BICRAL: variants seen among roughly 807,000 people sequenced by gnomAD.
The protein encoded by BICRAL is BRD4-interacting chromatin-remodeling complex-associated protein-like.
BICRAL carries 8 observed loss-of-function variants against 91.8 expected under a neutral mutation model. The ratio of observed to expected loss-of-function variants is 0.09; its 90% CI spans 0.05 to 0.16. BICRAL has a LOEUF of 0.16. Ranked by LOEUF, BICRAL falls within the 10% of genes least tolerant of loss-of-function variation. The pLI is 1.00. For synonymous variants in BICRAL, 445 were observed against 491.1 expected, an observed-to-expected ratio of 0.91 and a Z score of 1.24; for missense variants, 1,038 against 1,310.9, an observed-to-expected ratio of 0.79 and a Z score of 3.21.
chr6:42,827,941 C>T (rs1278300762), intron 5 of BICRAL, among the ~76,000 whole-genome samples: 1 of 152,050 alleles, frequency 6.6e-6, no homozygotes, highest in East Asian at 1.9e-4. Context: ...TGAAGCTAAG[C>T]TCCAAGTAGT....
intron 1 of BICRAL, among the ~76,000 whole-genome samples, chr6:42,791,296 A>G (rs1415118377): frequency 2.0e-5 from 3 of 152,092 alleles, no homozygotes; most frequent in Non-Finnish European, 2.9e-5. Context: ...TTATAAATTT[A>G]TTTTTAATAA....
At chr6:42,784,438 C>T (rs566773247) in intron 1 of BICRAL, among the ~76,000 whole-genome samples, 1 of 152,194 alleles carries the variant, frequency 6.6e-6, no homozygotes, top group East Asian at 1.9e-4. Context: ...CACCGTGGTG[C>T]CAGTAGGTGT....
In BICRAL at chr6:42,807,051, G is replaced by C. The variant is rs533546706; in HGVS notation, c.-101-3255G>C. Reference sequence around the variant, plus strand: ...TTGCCATGTTGGCCAGGCTGGTCTTGAACTCCTGACCTCAAGTGATCCACC... The same window carrying C: ...TTGCCATGTTGGCCAGGCTGGTCTTCAACTCCTGACCTCAAGTGATCCACC... On this transcript the variant is annotated intron_variant, in intron 1 of 12. Transcript: ENST00000314073. Among the ~76,000 whole-genome samples the C allele has an allele frequency of 1.1e-4, 16 of 151,548 alleles. No individual in the cohort carries two copies. The South Asian group carries it at 3.3e-3, about 32-fold the overall frequency.
At position 42,767,568 on chromosome 6, in the gene BICRAL, A is replaced by G. The variant is rs79778738; in HGVS notation, c.-260-14271A>G. On this transcript the variant is annotated intron_variant, in intron 1 of 14. Transcript: ENST00000614467. ...GTGTCTGCTACCTGCAACACCAGCC[A>G]GGTGGCTTGATATGGTAAAGACGCA... Among the ~76,000 whole-genome samples, 683 of 152,362 alleles carry G rather than the reference A, an allele frequency of 4.5e-3. 8 individuals are homozygous for G. Among genetic ancestry groups the G allele is most frequent in the African/African-American group, 0.015 (637 of 41,596 alleles).
At chr6:42,834,012 G>A (rs1337175299) in intron 6 of BICRAL, among the ~76,000 whole-genome samples, 5 of 151,482 alleles carry the variant, frequency 3.3e-5, no homozygotes, top group Middle Eastern at 3.4e-3. Context: ...GTACCACCAC[G>A]CCCAGCTAAT....
chr6:42,792,630 G>A (rs1763304960), intron 1 of BICRAL, among the ~76,000 whole-genome samples: 1 of 133,696 alleles, frequency 7.5e-6, no homozygotes, highest in African/African-American at 2.9e-5. Flanking sequence ...TTTAGAAATT[G>A]ATGCTGAGTG....
rs1763234328 is a variant in BICRAL at position 42,790,350 on chromosome 6, T to C, written c.-102+8249T>C. On this transcript the variant is annotated intron_variant, in intron 1 of 12. Transcript: ENST00000314073. ...ATTTAATTTTTTTTTTTTTTTTTTTTTTTTTGTAGAGACAGGGGTTTCTCT... is the reference window on the plus strand; with the variant it reads ...ATTTAATTTTTTTTTTTTTTTTTTTCTTTTTGTAGAGACAGGGGTTTCTCT... Among the ~76,000 whole-genome samples the C allele has an allele frequency of 2.1e-5, 3 of 144,602 alleles. No individual in the cohort carries two copies. In the South Asian group the frequency reaches 6.6e-4, roughly 32 times the overall value. The allele number at this position is 144,602 out of a possible 152,430, so 94.9% of individuals were successfully genotyped here.
chr6:42,758,180 AT>A (rs1200670854), intron 1 of BICRAL, among the ~76,000 whole-genome samples: 1 of 151,980 alleles, frequency 6.6e-6, no homozygotes, highest in African/African-American at 2.4e-5. Flanking sequence ...TCCCTGGGCT[AT>A]TGTTACAGTT....
Position 42,816,742 on chromosome 6 carries a change from T to C in BICRAL, c.-5-5276T>C, listed in dbSNP as rs376531817. Among the ~76,000 whole-genome samples, 602 of 152,174 alleles carry C rather than the reference T, an allele frequency of 4.0e-3. 4 individuals are homozygous for C. The highest frequency in any genetic ancestry group is 0.014 in the African/African-American group (570 of 41,528). On this transcript the variant is annotated intron_variant, in intron 2 of 12. Transcript: ENST00000314073. The stretch of plus-strand genomic sequence containing the variant: ...ATAAATAAAGAGTATCAGCCGGGCG[T>C]GGTGGCTCACGCCTGTAATCCCAGC...
Position 42,857,198 on chromosome 6 carries a change from G to T in BICRAL, c.2216G>T (p.Cys739Phe). The change falls in exon 10 of 13, where the codon TGC becomes TTC. Residue 739 changes from cysteine (C) to phenylalanine (F), a missense_variant. Physicochemically the swap from Cys to Phe is radical, Grantham distance 205. Coordinates refer to ENST00000314073, the MANE Select transcript of BICRAL (RefSeq NM_001393499.1). The stretch of plus-strand genomic sequence containing the variant: ...CAGAGACTGCTCTCCTACCACGTGT[G>T]CCAGGGCTCCATGCCCACTGAAGAA... ...AVQRLLSYHV[C>F]QGSMPTEEDL... The T allele has an allele frequency of 6.2e-7, 1 of 1,613,842 alleles. No individual in the cohort carries two copies. The highest frequency in any genetic ancestry group is 1.3e-5 in the African/African-American group (1 of 74,984).
chr6:42,770,596 A>C (rs972901502), intron 1 of BICRAL, among the ~76,000 whole-genome samples: 2 of 151,722 alleles, frequency 1.3e-5, no homozygotes, highest in Non-Finnish European at 2.9e-5. Flanking sequence ...TTGTATTTTT[A>C]GTACAGACGG....
intron 2 of BICRAL, among the ~76,000 whole-genome samples, chr6:42,817,354 A>C (rs994466308): frequency 1.3e-5 from 2 of 152,110 alleles, no homozygotes; most frequent in Non-Finnish European, 2.9e-5. Context: ...AATTGATTTA[A>C]CCAGGACATT....
intron 1 of BICRAL, among the ~76,000 whole-genome samples, chr6:42,773,210 C>T (rs1332890998): frequency 6.6e-6 from 1 of 151,428 alleles, no homozygotes. Context: ...TCCTGAGTAG[C>T]TGGGATTACA....
chr6:42,808,451 G>A (rs2113912260), intron 1 of BICRAL, among the ~76,000 whole-genome samples: 1 of 152,222 alleles, frequency 6.6e-6, no homozygotes, highest in African/African-American at 2.4e-5. Context: ...TGAAATGTGG[G>A]CCCTATATGT....
At chr6:42,811,027 GA>G (rs1196954539) in intron 2 of BICRAL, among the ~76,000 whole-genome samples, 2 of 152,168 alleles carry the variant, frequency 1.3e-5, no homozygotes, top group Non-Finnish European at 2.9e-5. Context: ...CCCTTCAAGA[GA>G]TTTGGTTCAA....
intron 6 of BICRAL, among the ~76,000 whole-genome samples, chr6:42,847,527 C>T (rs1215847364): frequency 6.6e-6 from 1 of 152,134 alleles, no homozygotes; most frequent in Non-Finnish European, 1.5e-5. Context: ...CCTATAATCC[C>T]AGCACTTTGG....
At chr6:42,803,143 T>C (rs192637310) in intron 1 of BICRAL, among the ~76,000 whole-genome samples, 133 of 152,338 alleles carry the variant, frequency 8.7e-4, no homozygotes, top group Admixed American at 8.4e-3. Context: ...ATTATTAATA[T>C]AATAAATTAC....
intron 1 of BICRAL, among the ~76,000 whole-genome samples, chr6:42,763,814 C>G (rs1221526504): frequency 6.7e-6 from 1 of 149,806 alleles, no homozygotes; most frequent in Non-Finnish European, 1.5e-5. Context: ...GAGTGAGACT[C>G]TGTCTCAGAA....
chr6:42,830,335 G>T, intron 6 of BICRAL, 163 bp downstream of exon 6: 3 of 701,604 alleles, frequency 4.3e-6, no homozygotes, highest in Non-Finnish European at 7.0e-6. Context: ...GGAGGCCAAG[G>T]CTGGAGGATC....
Sources: gnomAD v4.1 joint callset for allele counts (sites outside exome capture counted in the v4.1 genomes callset) on GRCh38, gnomAD v4.1.1 for gene constraint, MANE v1.5 for transcripts, NCBI Gene and HGNC (gene_info 2026-07-23, HGNC 2026-07-21) for gene names.